Variants in KIF6 observed in about 807,000 individuals in gnomAD.
KIF6 encodes kinesin family member 6.
KIF6 carries 106 observed loss-of-function variants against 112.7 expected under a neutral mutation model. That is an observed-to-expected ratio of 0.94 (90% CI 0.80 to 1.11). The LOEUF is 1.11. Among genes scored for constraint, KIF6 ranks in the 50% least tolerant of loss-of-function variants. The probability of loss-of-function intolerance (pLI) is 0.00; values close to 1 mark genes in which losing one functional copy is unlikely to be tolerated. For missense variants in KIF6, 929 were observed against 964.0 expected, an observed-to-expected ratio of 0.96 and a Z score of 0.48; for synonymous variants, 339 against 339.9, an observed-to-expected ratio of 1.00 and a Z score of 0.03.
chr6:39,608,526 G>A (rs963581512), intron 6 of KIF6, among the ~76,000 whole-genome samples: 6 of 152,156 alleles, frequency 3.9e-5, no homozygotes, highest in Admixed American at 3.9e-4. Flanking sequence ...TATCACTTTC[G>A]CACCATTTAA....
intron 12 of KIF6, among the ~76,000 whole-genome samples, chr6:39,543,460 TGCTGATACTCAA>T (rs1260054542): frequency 2.6e-5 from 4 of 152,180 alleles, no homozygotes; most frequent in Non-Finnish European, 5.9e-5. Flanking sequence ...ACACAGGATC[TGCTGATACTCAA>T]GTAAAATTAG....
intron 3 of KIF6, among the ~76,000 whole-genome samples, chr6:39,667,017 C>T (rs913006197): frequency 4.6e-5 from 7 of 152,084 alleles, no homozygotes; most frequent in African/African-American, 9.7e-5. Context: ...CCTTTTTGCA[C>T]GGGAACAGTT....
chr6:39,521,418 A>C (rs1777395342), intron 13 of KIF6, among the ~76,000 whole-genome samples: 2 of 152,240 alleles, frequency 1.3e-5, no homozygotes, highest in African/African-American at 4.8e-5. Flanking sequence ...TTTTATAAAC[A>C]TCCAACTTAG....
At chr6:39,671,202 C>T (rs1786798348) in intron 3 of KIF6, among the ~76,000 whole-genome samples, 2 of 152,172 alleles carry the variant, frequency 1.3e-5, no homozygotes, top group Non-Finnish European at 2.9e-5. Flanking sequence ...GTTGGGGTGA[C>T]TGGAAGTTTC....
At chr6:39,619,454 G>C (rs1322265895) in intron 5 of KIF6, among the ~76,000 whole-genome samples, 8 of 152,164 alleles carry the variant, frequency 5.3e-5, no homozygotes, top group Non-Finnish European at 1.0e-4. Flanking sequence ...CCTGTCTGAA[G>C]AGGAACAGAA....
At chr6:39,564,978 G>C (rs1456404576) in intron 10 of KIF6, among the ~76,000 whole-genome samples, 1 of 152,076 alleles carries the variant, frequency 6.6e-6, no homozygotes, top group Non-Finnish European at 1.5e-5. Context: ...TGAAAACTTT[G>C]GATTTTTCTT....
rs547652214 is a variant in KIF6 at position 39,699,597 on chromosome 6, G to T, written c.251+15095C>A. On this transcript the variant is annotated intron_variant, in intron 3 of 22. Coordinates refer to ENST00000287152, the MANE Select transcript of KIF6 (RefSeq NM_145027.6). ...GCTGGCTAAACTATTGTGGAGCCCA[G>T]TGCACAATGAAAATGCAGGGCCCCT... Among the ~76,000 whole-genome samples, 7 of 152,324 alleles carry T rather than the reference G, an allele frequency of 4.6e-5. No individual in the cohort carries two copies. The South Asian group carries it at 1.5e-3, about 32-fold the overall frequency.
intron 13 of KIF6, among the ~76,000 whole-genome samples, chr6:39,509,752 T>G (rs976615137): frequency 6.6e-6 from 1 of 152,212 alleles, no homozygotes. Context: ...CATCTACATT[T>G]GATTGGTGTA....
At chr6:39,536,378 G>T (rs1044156783) in intron 13 of KIF6, among the ~76,000 whole-genome samples, 3 of 151,898 alleles carry the variant, frequency 2.0e-5, no homozygotes, top group African/African-American at 7.3e-5. Context: ...AATGATAAAG[G>T]GGATATCACC....
intron 3 of KIF6, among the ~76,000 whole-genome samples, chr6:39,675,144 T>G (rs113175486): frequency 0.02 from 2,987 of 151,678 alleles, 55 homozygotes; most frequent in Non-Finnish European, 0.029. Flanking sequence ...TAAATGAAAA[T>G]CGAAATAAAA....
rs780447207 is a variant in KIF6, at chr6:39,586,257, A to G, written c.990+4T>C. The G allele has an allele frequency of 1.9e-6, 3 of 1,614,088 alleles. No individual in the cohort carries two copies. The highest frequency in any genetic ancestry group is 2.5e-6 in the Non-Finnish European group (3 of 1,179,960). ...AAGATCTCCAGAAAGAAGAGCCCAC[A>G]TACATCAAGATTCCTTTTCTCCAAG... On this transcript the variant is annotated splice_donor_region_variant and intron_variant, in intron 8 of 22. Transcript: ENST00000287152.
At chr6:39,434,786 C>T (rs1294193219) in intron 13 of KIF6, among the ~76,000 whole-genome samples, 2 of 151,978 alleles carry the variant, frequency 1.3e-5, no homozygotes, top group African/African-American at 2.4e-5. Context: ...AAGGATGAAG[C>T]AGCATTTCCC....
chr6:39,650,514 C>T (rs1785415023), intron 3 of KIF6, among the ~76,000 whole-genome samples: 1 of 151,566 alleles, frequency 6.6e-6, no homozygotes, highest in South Asian at 2.1e-4. Flanking sequence ...TTATATTATA[C>T]ATTATTTTAT....
chr6:39,690,043 T>C lies in KIF6; in HGVS notation c.251+24649A>G, dbSNP rs79083494. ...TCTAATTAATTCAAATACAAGAAAG[T>C]GTGTGTCATTTGCTAAATAGGGAAA... On this transcript the variant is annotated intron_variant, in intron 3 of 22. Coordinates refer to ENST00000287152, the MANE Select transcript of KIF6 (RefSeq NM_145027.6). The C allele has an allele frequency of 4.4e-3, 667 of 152,312 alleles. 6 individuals are homozygous for C. Among genetic ancestry groups the C allele is most frequent in the African/African-American group, 0.016 (648 of 41,578 alleles). The allele number at this position is 152,312 out of a possible 1,614,324, so 9.4% of individuals were successfully genotyped here.
chr6:39,578,073 T>G lies in KIF6; in HGVS notation c.1164A>C (p.Thr388=). The G allele has an allele frequency of 6.2e-7, 1 of 1,613,340 alleles. No individual in the cohort carries two copies. Among genetic ancestry groups the G allele is most frequent in the Non-Finnish European group, 8.5e-7 (1 of 1,179,338 alleles). ...AGACTTACTGAAGGAGCTCTGCTTC[T>G]GTGAGTGCCTCTGTCCTCTGCTCCC... ...VTGEQRTEAL[T]EAELLQLEKL... The change falls in exon 10 of 23, where the codon ACA becomes ACC. Residue 388 remains threonine (T), a synonymous_variant. Transcript: ENST00000287152.
intron 6 of KIF6, among the ~76,000 whole-genome samples, chr6:39,609,433 A>G (rs973620260): frequency 6.6e-6 from 1 of 152,166 alleles, no homozygotes; most frequent in African/African-American, 2.4e-5. Context: ...TAATACCTAT[A>G]TAAGAAATTA....
Position 39,412,759 on chromosome 6 carries a change from T to C in KIF6, c.1810+7189A>G, listed in dbSNP as rs148410181. 7.0e-3 allele frequency among the ~76,000 whole-genome samples: 1,072 copies of C among 152,344 alleles called. 7 individuals are homozygous for C. Among genetic ancestry groups the C allele is most frequent in the African/African-American group, 0.02 (840 of 41,580 alleles). On this transcript the variant is annotated intron_variant, in intron 15 of 22. Coordinates refer to ENST00000287152, the MANE Select transcript of KIF6 (RefSeq NM_145027.6). ...TGAATACAAAGTAAGTTGGCACAGCTGAGCCCAGGAAGCTGTGGAGAAATG... is the reference window on the plus strand; with the variant it reads ...TGAATACAAAGTAAGTTGGCACAGCCGAGCCCAGGAAGCTGTGGAGAAATG...
intron 2 of KIF6, among the ~76,000 whole-genome samples, chr6:39,718,229 C>CAAAA (rs35872391): frequency 3.2e-4 from 19 of 58,946 alleles, no homozygotes; most frequent in South Asian, 7.2e-4. Flanking sequence ...GACTCCATCT[C>CAAAA]AAAAAAAAAA....
intron 3 of KIF6, 86 bp downstream of exon 3, chr6:39,714,606 A>G (rs1789726000): frequency 1.2e-5 from 10 of 847,758 alleles, no homozygotes; most frequent in Admixed American, 2.0e-5. Context: ...TAATTGATAC[A>G]CTTAAGCACA....
Sources: allele counts gnomAD v4.1 joint callset (sites outside exome capture counted in the v4.1 genomes callset), GRCh38; gene constraint gnomAD v4.1.1; transcripts MANE v1.5; gene names NCBI Gene and HGNC (gene_info 2026-07-23, HGNC 2026-07-21).